Variants in TENM3 observed in about 807,000 individuals in gnomAD.
TENM3 encodes the protein teneurin-3.
A neutral mutation model predicts 255.1 loss-of-function variants in TENM3; 63 were observed. The observed-to-expected ratio is 0.25, with a 90% CI of 0.20 to 0.30. The LOEUF (loss-of-function observed/expected upper bound fraction) is 0.30, where lower values mean the gene tolerates loss of function less well. Ranked by LOEUF, TENM3 falls within the 10% of genes least tolerant of loss-of-function variation. The pLI is 1.00. For missense variants in TENM3, 2,929 were observed against 3,461.1 expected, an observed-to-expected ratio of 0.85 and a Z score of 3.86; for synonymous variants, 1,306 against 1,322.3, an observed-to-expected ratio of 0.99 and a Z score of 0.27.
At chr4:182,647,182 C>G (rs539076821) in intron 5 of TENM3, among the ~76,000 whole-genome samples, 4 of 152,258 alleles carry the variant, frequency 2.6e-5, no homozygotes, top group Middle Eastern at 3.4e-3. Context: ...TTAACAACAA[C>G]GATTTTCTGC....
At chr4:182,234,791 T>C (rs769137675) in intron 1 of TENM3, among the ~76,000 whole-genome samples, 2 of 151,958 alleles carry the variant, frequency 1.3e-5, no homozygotes, top group African/African-American at 4.8e-5. Context: ...CTCAAGAATG[T>C]GAGTGAGACA....
At chr4:182,319,016 C>T (rs1762899509) in intron 1 of TENM3, among the ~76,000 whole-genome samples, 2 of 152,314 alleles carry the variant, frequency 1.3e-5, no homozygotes, top group South Asian at 4.1e-4. Context: ...AGTCCTCTCA[C>T]CTCAGCCTCC....
At chr4:181,585,733 A>G in the TENM3 span, among the ~76,000 whole-genome samples, 1 of 152,214 alleles carries the variant, frequency 6.6e-6, no homozygotes, top group Non-Finnish European at 1.5e-5. Context: ...TGTCAGCAGG[A>G]CCATATATTT....
the TENM3 span, among the ~76,000 whole-genome samples, chr4:181,830,492 C>G: frequency 9.7e-3 from 1,478 of 152,076 alleles, 127 homozygotes; most frequent in East Asian, 0.21. Context: ...AGGCTGGTCT[C>G]AAATTCCTGA....
chr4:181,712,038 A>AT, the TENM3 span, among the ~76,000 whole-genome samples: 7 of 152,226 alleles, frequency 4.6e-5, no homozygotes, highest in African/African-American at 1.4e-4. Context: ...CAAATTCCCC[A>AT]TTTTTAGCTT....
At chr4:182,726,131 C>G (rs183864904) in intron 13 of TENM3, among the ~76,000 whole-genome samples, 2 of 152,028 alleles carry the variant, frequency 1.3e-5, no homozygotes, top group Non-Finnish European at 2.9e-5. Flanking sequence ...ATTATGGTAA[C>G]AAAAAACTTA....
chr4:181,664,206 T>C, the TENM3 span, among the ~76,000 whole-genome samples: 4 of 152,082 alleles, frequency 2.6e-5, no homozygotes, highest in Non-Finnish European at 5.9e-5. Flanking sequence ...AGTGGCTCAC[T>C]CCTGTAATCC....
the TENM3 span, among the ~76,000 whole-genome samples, chr4:181,523,684 G>T: frequency 1.4e-4 from 21 of 152,220 alleles, 1 homozygote; most frequent in East Asian, 3.9e-3. Context: ...TGATAAACTG[G>T]CATCCAAATG....
the TENM3 span, among the ~76,000 whole-genome samples, chr4:181,791,103 G>A: frequency 6.6e-6 from 1 of 152,176 alleles, no homozygotes; most frequent in Non-Finnish European, 1.5e-5. Flanking sequence ...AGTCAAACTG[G>A]AATGAGCTGT....
intron 3 of TENM3, among the ~76,000 whole-genome samples, chr4:182,421,578 A>T (rs951211991): frequency 6.6e-6 from 1 of 152,198 alleles, no homozygotes; most frequent in Non-Finnish European, 1.5e-5. Context: ...TCTGGTCATA[A>T]CTATCTTCCT....
chr4:181,576,776 C>T, the TENM3 span, among the ~76,000 whole-genome samples: 2 of 150,072 alleles, frequency 1.3e-5, no homozygotes, highest in Non-Finnish European at 3.0e-5. Flanking sequence ...CCACTCTTTT[C>T]CTTTCCGGAT....
Position 182,743,319 on chromosome 4 carries a change from G to A in TENM3, c.3529G>A (p.Ala1177Thr), listed in dbSNP as rs1761743411. 25 of 1,614,022 alleles carry A rather than the reference G, an allele frequency of 1.5e-5. No individual in the cohort carries two copies. Among genetic ancestry groups the A allele is most frequent in the Non-Finnish European group, 1.9e-5 (23 of 1,179,880 alleles). Reference protein sequence around the residue: ...ADGNKLLAPVALACGIDGSLY... With the variant: ...ADGNKLLAPVTLACGIDGSLY... ...TGGTAACAAGTTACTGGCCCCAGTG[G>A]CGCTAGCTTGTGGGATCGATGGCAG... Residue 1177 changes from alanine to threonine, a missense_variant, in exon 19 of 28, where the codon GCG becomes ACG. Around this residue, in one of 6 missense-constraint regions of TENM3, gnomAD observed 1,608 missense variants for 1,884.4 expected, o/e 0.85. Transcript: ENST00000511685.
At chr4:182,057,347 A>G in the TENM3 span, among the ~76,000 whole-genome samples, 1 of 151,776 alleles carries the variant, frequency 6.6e-6, no homozygotes, top group Admixed American at 6.6e-5. Flanking sequence ...GAAAATAAAG[A>G]AGTTATATCC....
the TENM3 span, among the ~76,000 whole-genome samples, chr4:181,645,658 G>A: frequency 9.9e-3 from 1,513 of 152,208 alleles, 28 homozygotes; most frequent in African/African-American, 0.035. Context: ...GGTGGAACTC[G>A]TCCAAGTGAT....
the TENM3 span, among the ~76,000 whole-genome samples, chr4:182,044,497 G>A: frequency 3.3e-5 from 5 of 152,266 alleles, no homozygotes; most frequent in Admixed American, 2.6e-4. Context: ...ATTAAAATAT[G>A]ACAAAATAAT....
intron 4 of TENM3, among the ~76,000 whole-genome samples, chr4:182,618,156 C>T (rs1045727031): frequency 1.3e-5 from 2 of 152,134 alleles, no homozygotes; most frequent in Non-Finnish European, 2.9e-5. Context: ...AGTAGTTACA[C>T]ACTTTCTTTT....
chr4:181,797,205 G>A, the TENM3 span, among the ~76,000 whole-genome samples: 14 of 149,712 alleles, frequency 9.4e-5, no homozygotes, highest in African/African-American at 3.2e-4. Flanking sequence ...AATCCTAAAA[G>A]AAGTCTATGA....
At chr4:181,651,757 TTG>T in the TENM3 span, among the ~76,000 whole-genome samples, 8 of 152,302 alleles carry the variant, frequency 5.3e-5, no homozygotes, top group East Asian at 1.5e-3. Context: ...TATGCTGGTG[TTG>T]TGTCTAATGT....
the TENM3 span, chr4:182,079,927 A>G: frequency 6.6e-6 from 1 of 152,352 alleles, no homozygotes; most frequent in Admixed American, 6.5e-5. Context: ...GCTCTCGACT[A>G]CATGTCAAGA....
Sources: gnomAD v4.1 joint callset for allele counts (sites outside exome capture counted in the v4.1 genomes callset) on GRCh38, gnomAD v4.1.1 for gene constraint, gnomAD v4.1.1 regional missense constraint, MANE v1.5 for transcripts, NCBI Gene and HGNC (gene_info 2026-07-23, HGNC 2026-07-21) for gene names.